TNFRSF10A: variants seen among roughly 807,000 people sequenced by gnomAD.
TNFRSF10A encodes the protein TNF receptor superfamily member 10a.
Under a neutral mutation model 42.8 loss-of-function variants are expected in TNFRSF10A, and 44 were observed. The ratio of observed to expected loss-of-function variants is 1.03; its 90% CI spans 0.81 to 1.32. TNFRSF10A has a LOEUF of 1.32. TNFRSF10A is among the 40% of genes most tolerant of loss of function. The pLI is 0.00. For synonymous variants in TNFRSF10A, 259 were observed against 234.2 expected (o/e 1.11, Z -0.97); for missense variants, 680 against 602.0 (o/e 1.13, Z -1.36).
At chr8:23,205,437 AATG>A (rs561241480) in intron 2 of TNFRSF10A, among the ~76,000 whole-genome samples, 10 of 152,350 alleles carry the variant, frequency 6.6e-5, no homozygotes, top group Admixed American at 1.3e-4. Context: ...AATATTTGAT[AATG>A]ATAATAAATG....
Position 23,192,198 on chromosome 8 carries a change from CTG to C in TNFRSF10A, c.1088-187_1088-186del, listed in dbSNP as rs1800764884. ...AGAGCCCACCCACACTGCCTGGCCT[CTG>C]TGGCCCCCAAGGCGCTGACGGGCGT... On this transcript the variant is annotated intron_variant, in intron 9 of 9. Transcript: ENST00000221132. 3.3e-5 allele frequency among the ~76,000 whole-genome samples: 5 copies of C among 152,336 alleles called. 1 individual carries two copies. The South Asian group carries it at 1.0e-3, about 32-fold the overall frequency.
chr8:23,194,841 T>C (rs1800800783), intron 9 of TNFRSF10A, among the ~76,000 whole-genome samples: 1 of 152,192 alleles, frequency 6.6e-6, no homozygotes, highest in Non-Finnish European at 1.5e-5. Context: ...AGAGAAAACT[T>C]CCAGTGCAGT....
chr8:23,221,945 C>T (rs1338231168), intron 1 of TNFRSF10A, among the ~76,000 whole-genome samples: 5 of 151,756 alleles, frequency 3.3e-5, no homozygotes, highest in African/African-American at 1.2e-4. Flanking sequence ...GGCGAGATCT[C>T]GGCTCACTGC....
At chr8:23,215,248 G>A (rs1030538685) in intron 1 of TNFRSF10A, among the ~76,000 whole-genome samples, 34 of 152,214 alleles carry the variant, frequency 2.2e-4, no homozygotes, top group Non-Finnish European at 1.0e-4. Flanking sequence ...CGGGCGCCGT[G>A]GCTCACGCCT....
chr8:23,215,767 AT>A (rs943266449), intron 1 of TNFRSF10A, among the ~76,000 whole-genome samples: 6 of 151,038 alleles, frequency 4.0e-5, no homozygotes, highest in African/African-American at 1.5e-4. Context: ...AATTCTTGAT[AT>A]TGGTATTTCA....
At chr8:23,201,595 C>A (rs1170581438) in intron 4 of TNFRSF10A, among the ~76,000 whole-genome samples, 1 of 152,008 alleles carries the variant, frequency 6.6e-6, no homozygotes, top group Non-Finnish European at 1.5e-5. Flanking sequence ...GAAGGGGCCA[C>A]TGCAGGGGAC....
At position 23,195,583 on chromosome 8, in the gene TNFRSF10A, C is replaced by T. The variant is rs117930308; in HGVS notation, c.1087+1549G>A. 7.2e-5 allele frequency among the ~76,000 whole-genome samples: 11 copies of T among 152,270 alleles called. No individual in the cohort carries two copies. The East Asian group carries it at 1.7e-3, about 24-fold the overall frequency. On this transcript the variant is annotated intron_variant, in intron 9 of 9. Coordinates refer to ENST00000221132, the MANE Select transcript of TNFRSF10A (RefSeq NM_003844.4). ...CTCAGGGCTTTGATTGCAATGGCCT[C>T]GTGAGAGGTTCCAGCAAAGCCAACT...
At chr8:23,192,820 C>T (rs1382006483) in intron 9 of TNFRSF10A, among the ~76,000 whole-genome samples, 1 of 152,184 alleles carries the variant, frequency 6.6e-6, no homozygotes, top group Non-Finnish European at 1.5e-5. Flanking sequence ...ATTGACCCTT[C>T]TGGTCCTTAA....
At chr8:23,218,671 G>C (rs1801217152) in intron 1 of TNFRSF10A, among the ~76,000 whole-genome samples, 2 of 152,182 alleles carry the variant, frequency 1.3e-5, no homozygotes, top group African/African-American at 4.8e-5. Context: ...CCCAGCGCTG[G>C]GTGAATGCAG....
At position 23,191,424 on chromosome 8, in the gene TNFRSF10A, G is replaced by A. The variant is rs974578968; in HGVS notation, c.*270C>T. 12 of 490,136 alleles carry A rather than the reference G, an allele frequency of 2.4e-5. No individual in the cohort carries two copies. Among genetic ancestry groups the A allele is most frequent in the African/African-American group, 5.8e-5 (3 of 51,326 alleles). The allele number at this position is 490,136 out of a possible 1,614,324, so 30.4% of individuals were successfully genotyped here. A position where few individuals can be genotyped will look rare whatever the true frequency, so the allele number is the denominator to read the frequency against. On this transcript the variant is annotated 3_prime_UTR_variant, in exon 10 of 10. Coordinates refer to ENST00000221132, the MANE Select transcript of TNFRSF10A (RefSeq NM_003844.4). ...AGTGATTCTCCTGCCTCAGCCTCCC[G>A]AGTAGCCGAGAATATATGCACACAC... is the stretch of plus-strand genomic sequence containing the variant.
chr8:23,202,288 A>G (rs1800941963), intron 3 of TNFRSF10A, among the ~76,000 whole-genome samples: 2 of 152,294 alleles, frequency 1.3e-5, no homozygotes, highest in South Asian at 4.1e-4. Context: ...GAGGCGCCTG[A>G]GAAACTGAAG....
At chr8:23,214,345 G>A (rs1028619306) in intron 1 of TNFRSF10A, among the ~76,000 whole-genome samples, 3 of 151,898 alleles carry the variant, frequency 2.0e-5, no homozygotes, top group African/African-American at 4.8e-5. Context: ...AAAATTAACC[G>A]GGCGTGGTGG....
intron 9 of TNFRSF10A, among the ~76,000 whole-genome samples, chr8:23,194,728 G>A (rs1051057134): frequency 6.6e-6 from 1 of 152,174 alleles, no homozygotes; most frequent in East Asian, 1.9e-4. Context: ...TCAATTTTCA[G>A]AAGCAATCTG....
At chr8:23,221,899 C>T (rs1414626922) in intron 1 of TNFRSF10A, among the ~76,000 whole-genome samples, 1 of 150,828 alleles carries the variant, frequency 6.6e-6, no homozygotes, top group Non-Finnish European at 1.5e-5. Flanking sequence ...TTTCTTGAAA[C>T]GGAGTCTCGC....
chr8:23,207,398 C>A, intron 2 of TNFRSF10A: 1 of 537,236 alleles, frequency 1.9e-6, no homozygotes, highest in Non-Finnish European at 3.6e-6. Flanking sequence ...ATTCTAAATA[C>A]ATGTATATGT....
At chr8:23,222,034 G>A (rs1174825438) in intron 1 of TNFRSF10A, among the ~76,000 whole-genome samples, 3 of 152,056 alleles carry the variant, frequency 2.0e-5, no homozygotes, top group African/African-American at 7.2e-5. Context: ...CCGCCACCGT[G>A]CCTGGCTAAT....
At chr8:23,207,762 T>A (rs1563382127) in intron 2 of TNFRSF10A, among the ~76,000 whole-genome samples, 1 of 152,170 alleles carries the variant, frequency 6.6e-6, no homozygotes, top group Non-Finnish European at 1.5e-5. Context: ...CTTGCTGCCA[T>A]CCATGTAAGA....
chr8:23,195,348 C>T (rs1279947576), intron 9 of TNFRSF10A, among the ~76,000 whole-genome samples: 1 of 152,006 alleles, frequency 6.6e-6, no homozygotes, highest in Admixed American at 6.6e-5. Context: ...CTTTTTTCTT[C>T]TTTGCTATTT....
At chr8:23,207,392 T>C in intron 2 of TNFRSF10A, 1 of 549,816 alleles carries the variant, frequency 1.8e-6, no homozygotes, top group South Asian at 1.4e-5. Flanking sequence ...TGGCTAATTC[T>C]AAATACATGT....
Sources: allele counts gnomAD v4.1 joint callset (sites outside exome capture counted in the v4.1 genomes callset), GRCh38; gene constraint gnomAD v4.1.1; transcripts MANE v1.5; gene names NCBI Gene and HGNC (gene_info 2026-07-23, HGNC 2026-07-21).